The following COL22A1 variants were observed in gnomAD, a reference collection of about 807,000 sequenced individuals.
COL22A1 encodes collagen alpha-1(XXII) chain.
Under a neutral mutation model 248.9 loss-of-function variants are expected in COL22A1, and 221 were observed. The observed-to-expected ratio is 0.89, with a 90% CI of 0.80 to 0.99. The LOEUF is 0.99. Ranked by LOEUF, COL22A1 falls within the 50% of genes least tolerant of loss-of-function variation. The pLI is 0.00. For missense variants in COL22A1, 2,240 were observed against 2,179.0 expected (o/e 1.03, Z -0.56); for synonymous variants, 891 against 793.4 (o/e 1.12, Z -2.07).
At chr8:138,596,050 T>C (rs564483230) in intron 62 of COL22A1, among the ~76,000 whole-genome samples, 1 of 152,330 alleles carries the variant, frequency 6.6e-6, no homozygotes, top group Non-Finnish European at 1.5e-5. Flanking sequence ...ATAATTCTGC[T>C]TCTAACAATT....
chr8:138,716,335 C>T, intron 28 of COL22A1, 46 bp from the exon 29 acceptor site: 1 of 1,353,114 alleles, frequency 7.4e-7, no homozygotes, highest in Non-Finnish European at 1.0e-6. Flanking sequence ...AAGGCTCTCC[C>T]AGGGGCCAAG....
chr8:138,655,357 C>T lies in COL22A1; in HGVS notation c.3333+540G>A, dbSNP rs192209435. ...GTGATCAAGCACCTAAATTTTTAAT[C>T]GCATTTATTTATTATTTTTGAAACA... is the stretch of plus-strand genomic sequence containing the variant. On this transcript the variant is annotated intron_variant, in intron 45 of 64. Coordinates refer to ENST00000303045, the MANE Select transcript of COL22A1 (RefSeq NM_152888.3). 2.0e-4 allele frequency among the ~76,000 whole-genome samples: 30 copies of T among 152,002 alleles called. 1 individual carries two copies. Among genetic ancestry groups the T allele is most frequent in the Admixed American group, 1.5e-3 (23 of 15,246 alleles).
At chr8:138,643,498 G>A (rs1821901371) in intron 47 of COL22A1, among the ~76,000 whole-genome samples, 2 of 152,206 alleles carry the variant, frequency 1.3e-5, no homozygotes, top group African/African-American at 4.8e-5. Context: ...CATAATAACA[G>A]TGCCAACACC....
Position 138,883,103 on chromosome 8 carries a change from C to CGCCGCCCCCACTCCACAGCAGCA in COL22A1, c.47_69dup (p.Gly24CysfsTer213). On this transcript the variant is annotated frameshift_variant, in exon 2 of 65. Coordinates refer to ENST00000303045, the MANE Select transcript of COL22A1 (RefSeq NM_152888.3). LOFTEE classifies it high-confidence loss of function. ...CCACCTGCCCGCTGAGCCTGGCAGC[C>CGCCGCCCCCACTCCACAGCAGCA]GCCGCCCCCACTCCACAGCAGCAGC... 1 of 1,589,242 alleles carries CGCCGCCCCCACTCCACAGCAGCA rather than the reference C, an allele frequency of 6.3e-7. No homozygotes were observed. The highest frequency in any genetic ancestry group is 8.6e-7 in the Non-Finnish European group (1 of 1,169,384).
chr8:138,605,263 A>C (rs1326088646), intron 58 of COL22A1, among the ~76,000 whole-genome samples: 1 of 152,174 alleles, frequency 6.6e-6, no homozygotes, highest in Non-Finnish European at 1.5e-5. Context: ...TACCTGCCTC[A>C]AGGATTACTG....
At chr8:138,889,133 G>T (rs1199666089) in intron 1 of COL22A1, among the ~76,000 whole-genome samples, 1 of 152,150 alleles carries the variant, frequency 6.6e-6, no homozygotes, top group Non-Finnish European at 1.5e-5. Flanking sequence ...CACTGAGGTG[G>T]AGAGAAGGTA....
chr8:138,787,656 G>A (rs541131035), intron 12 of COL22A1, among the ~76,000 whole-genome samples: 1 of 152,354 alleles, frequency 6.6e-6, no homozygotes, highest in Admixed American at 6.5e-5. Flanking sequence ...ATTCACTGCA[G>A]AAGACAACCA....
At chr8:138,738,653 G>C (rs75975003) in intron 22 of COL22A1, among the ~76,000 whole-genome samples, 3,582 of 152,190 alleles carry the variant, frequency 0.024, 157 homozygotes, top group African/African-American at 0.081. Context: ...CTCTCTTGTT[G>C]CACAGCTAGT....
chr8:138,627,918 A>G (rs1256822141), intron 50 of COL22A1, among the ~76,000 whole-genome samples: 4 of 152,248 alleles, frequency 2.6e-5, no homozygotes, highest in Admixed American at 2.0e-4. Context: ...AAGTTAAGTC[A>G]GAGTTTTGAA....
intron 62 of COL22A1, 118 bp downstream of exon 62, chr8:138,596,786 C>T: frequency 2.2e-6 from 2 of 892,860 alleles, no homozygotes; most frequent in Non-Finnish European, 3.6e-6. Context: ...ATAGTCTACA[C>T]TTGAGCTGCC....
At chr8:138,703,391 C>A in intron 30 of COL22A1, 44 bp from the exon 31 acceptor site, 1 of 1,561,284 alleles carries the variant, frequency 6.4e-7, no homozygotes, top group South Asian at 1.1e-5. Context: ...ATCTTCCTCC[C>A]AACTCTGCTT....
In COL22A1 at chr8:138,722,039, G is replaced by C. The variant is rs1339314425; in HGVS notation, c.2298C>G (p.Thr766=). The part of the protein sequence containing the change: ...GPNGPPGPPG[T]KGEPGERGED... ...GCCAACCGCATCAGTGACCAACCTT[G>C]GTTCCTGGCGGACCTGGTGGTCCAT... The change falls in exon 26 of 65, where the codon ACC becomes ACG. Residue 766 remains threonine, a synonymous_variant. Coordinates refer to ENST00000303045, the MANE Select transcript of COL22A1 (RefSeq NM_152888.3). 1.9e-6 allele frequency: 3 copies of C among 1,574,826 alleles called. No homozygotes were observed. The highest frequency in any genetic ancestry group is 1.7e-6 in the Non-Finnish European group (2 of 1,157,902).
intron 63 of COL22A1, 142 bp from the exon 64 acceptor site, chr8:138,591,643 T>C (rs1817062715): frequency 7.8e-6 from 4 of 510,690 alleles, no homozygotes; most frequent in African/African-American, 6.0e-5. Flanking sequence ...CACACACTCA[T>C]GCCGCACAGG....
At chr8:138,744,099 T>G (rs576294138) in intron 22 of COL22A1, among the ~76,000 whole-genome samples, 9 of 152,232 alleles carry the variant, frequency 5.9e-5, no homozygotes, top group African/African-American at 2.2e-4. Context: ...CCTGGCTTCA[T>G]GCCATGAAAT....
chr8:138,711,320 A>G (rs528030873), intron 30 of COL22A1, among the ~76,000 whole-genome samples: 23 of 152,354 alleles, frequency 1.5e-4, no homozygotes, highest in Admixed American at 1.5e-3. Context: ...CAGGCAAAGC[A>G]CAGTCAGAAG....
At chr8:138,806,082 GT>G (rs1817652680) in intron 10 of COL22A1, among the ~76,000 whole-genome samples, 1 of 37,912 alleles carries the variant, frequency 2.6e-5, no homozygotes, top group African/African-American at 6.2e-5. Context: ...GTGATGGTGT[GT>G]GTAATGGTGT....
intron 47 of COL22A1, among the ~76,000 whole-genome samples, chr8:138,637,377 A>G (rs1258768310): frequency 6.6e-6 from 1 of 152,198 alleles, no homozygotes; most frequent in South Asian, 2.1e-4. Context: ...TTATCCATAC[A>G]TAAGTTCCTT....
intron 35 of COL22A1, among the ~76,000 whole-genome samples, chr8:138,692,737 G>A (rs1019856816): frequency 6.6e-6 from 1 of 151,984 alleles, no homozygotes; most frequent in African/African-American, 2.4e-5. Flanking sequence ...GACTCACGGA[G>A]AACACTCCCA....
At chr8:138,826,850 C>A (rs1328515504) in intron 5 of COL22A1, 69 bp from the exon 6 acceptor site, 1 of 1,572,844 alleles carries the variant, frequency 6.4e-7, no homozygotes, top group Non-Finnish European at 8.7e-7. Context: ...AGTGAGCCCA[C>A]ACAACCCAGC....
Sources: gnomAD v4.1 joint callset for allele counts (sites outside exome capture counted in the v4.1 genomes callset) on GRCh38, gnomAD v4.1.1 for gene constraint, MANE v1.5 for transcripts, NCBI Gene and HGNC (gene_info 2026-07-23, HGNC 2026-07-21) for gene names.